The following SUPT3H variants were observed in gnomAD, a reference collection of about 807,000 sequenced individuals.
SUPT3H encodes the protein SPT3 homolog, SAGA and STAGA complex component.
A neutral mutation model predicts 44.3 loss-of-function variants in SUPT3H; 44 were observed. That is an observed-to-expected ratio of 0.99 (90% confidence interval 0.78 to 1.28). SUPT3H has a LOEUF of 1.28. SUPT3H is among the 50% of genes most tolerant of loss of function. The pLI, the probability that SUPT3H is intolerant of heterozygous loss-of-function variation, is 0.00. For missense variants in SUPT3H, 380 were observed against 387.1 expected (o/e 0.98, Z 0.15); for synonymous variants, 124 against 125.6 (o/e 0.99, Z 0.09).
chr6:45,360,380 AC>A (rs1165046036), intron 2 of SUPT3H, among the ~76,000 whole-genome samples: 1 of 152,162 alleles, frequency 6.6e-6, no homozygotes, highest in Non-Finnish European at 1.5e-5. Context: ...TTATTAAAGC[AC>A]CCTTGGAATT....
Position 45,255,579 on chromosome 6 carries a change from G to T in SUPT3H, c.101+109622C>A, listed in dbSNP as rs370737679. 5.9e-5 allele frequency among the ~76,000 whole-genome samples: 9 copies of T among 151,848 alleles called. No individual in the cohort carries two copies. In the East Asian group the frequency reaches 1.2e-3, roughly 20 times the overall value. ...TGGGACTATAGGCAGGCATCACCAT[G>T]CCCAGCAATGTTTTTTTAATTTTTG... On this transcript the variant is annotated intron_variant, in intron 2 of 10. Coordinates refer to ENST00000371459, the MANE Select transcript of SUPT3H (RefSeq NM_003599.4).
chr6:44,820,005 T>C (rs1411829270), intron 11 of SUPT3H, among the ~76,000 whole-genome samples: 1 of 151,998 alleles, frequency 6.6e-6, no homozygotes, highest in Non-Finnish European at 1.5e-5. Flanking sequence ...GGCGGATCAC[T>C]TGAGCTCAGG....
intron 2 of SUPT3H, among the ~76,000 whole-genome samples, chr6:45,276,388 A>T (rs1361397876): frequency 6.6e-6 from 1 of 152,190 alleles, no homozygotes; most frequent in Non-Finnish European, 1.5e-5. Flanking sequence ...CAAATACTAT[A>T]TAAAGAAAAA....
Position 45,261,480 on chromosome 6 carries a change from A to C in SUPT3H, c.101+103721T>G, listed in dbSNP as rs1294839275. On this transcript the variant is annotated intron_variant, in intron 2 of 10. Coordinates refer to ENST00000371459, the MANE Select transcript of SUPT3H (RefSeq NM_003599.4). ...GAATTAACAAAATCAGAAAAAAAAA[A>C]CACATGATCATCTCCATAGATGTAG... Among the ~76,000 whole-genome samples the C allele has an allele frequency of 3.4e-5, 5 of 147,560 alleles. No homozygotes were observed. In the East Asian group the frequency reaches 6.2e-4, roughly 18 times the overall value.
chr6:45,326,166 T>TACATAAAGAAGTTTACA (rs1277129253), intron 2 of SUPT3H, among the ~76,000 whole-genome samples: 1 of 151,856 alleles, frequency 6.6e-6, no homozygotes, highest in African/African-American at 2.4e-5. Context: ...AAAGAAGATT[T>TACATAAAGAAGTTTACA]TAAGGAAGAA....
intron 2 of SUPT3H, among the ~76,000 whole-genome samples, chr6:45,184,554 C>A (rs1446178564): frequency 6.6e-6 from 1 of 152,014 alleles, no homozygotes; most frequent in Non-Finnish European, 1.5e-5. Context: ...CCCCAGAGCT[C>A]CCAGGTCATT....
At chr6:44,996,743 A>ATC (rs1781329737) in intron 6 of SUPT3H, among the ~76,000 whole-genome samples, 1 of 151,904 alleles carries the variant, frequency 6.6e-6, no homozygotes, top group Non-Finnish European at 1.5e-5. Flanking sequence ...AAAAGCCTAG[A>ATC]AAGTCCTTCC....
At chr6:44,957,834 A>G (rs906403926) in intron 7 of SUPT3H, among the ~76,000 whole-genome samples, 1 of 152,196 alleles carries the variant, frequency 6.6e-6, no homozygotes, top group Non-Finnish European at 1.5e-5. Flanking sequence ...CTATTCATCA[A>G]AAGACATGCA....
rs1004262037 is a variant in SUPT3H, at chr6:45,092,771, A to T, written c.186+13151T>A. Among the ~76,000 whole-genome samples, 80 of 151,606 alleles carry T rather than the reference A, an allele frequency of 5.3e-4. 1 individual carries two copies. Among genetic ancestry groups the T allele is most frequent in the Non-Finnish European group, 8.8e-4 (60 of 67,854 alleles). The stretch of plus-strand genomic sequence containing the variant: ...GTCTCAAAAAAAAAAAAAAAAAAAA[A>T]TTAAGTCAATTTTATTCTAGTGCTT... On this transcript the variant is annotated intron_variant, in intron 3 of 10. Coordinates refer to ENST00000371459, the MANE Select transcript of SUPT3H (RefSeq NM_003599.4).
chr6:44,997,264 C>A (rs1410644408), intron 6 of SUPT3H, among the ~76,000 whole-genome samples: 2 of 151,772 alleles, frequency 1.3e-5, no homozygotes, highest in African/African-American at 2.4e-5. Context: ...GTGGAAACAA[C>A]TGAGCTATTT....
chr6:45,018,453 T>G (rs1389616719), intron 4 of SUPT3H, among the ~76,000 whole-genome samples: 9 of 151,850 alleles, frequency 5.9e-5, no homozygotes, highest in Non-Finnish European at 1.3e-4. Flanking sequence ...TTCCAGTTTT[T>G]GCCCATTCAG....
At chr6:44,944,543 G>C (rs1331031486) in intron 9 of SUPT3H, among the ~76,000 whole-genome samples, 3 of 151,626 alleles carry the variant, frequency 2.0e-5, no homozygotes, top group Admixed American at 1.3e-4. Context: ...TGGACCGCTT[G>C]AGCCCAGGAG....
intron 2 of SUPT3H, among the ~76,000 whole-genome samples, chr6:45,338,535 G>A (rs1240451852): frequency 6.6e-6 from 1 of 152,004 alleles, no homozygotes; most frequent in South Asian, 2.1e-4. Context: ...GCTGCCAGTA[G>A]GTAAAACAAC....
intron 3 of SUPT3H, among the ~76,000 whole-genome samples, chr6:45,045,736 G>GT (rs543222848): frequency 3.2e-4 from 49 of 152,150 alleles, no homozygotes; most frequent in South Asian, 6.2e-4. Flanking sequence ...GTCTATACAA[G>GT]TTTTTTTACC....
intron 2 of SUPT3H, among the ~76,000 whole-genome samples, chr6:45,362,606 T>C (rs1581911943): frequency 6.6e-6 from 1 of 152,176 alleles, no homozygotes; most frequent in African/African-American, 2.4e-5. Context: ...TATTTCCCTG[T>C]TCTATAAAGA....
intron 10 of SUPT3H, among the ~76,000 whole-genome samples, chr6:44,886,556 C>A (rs556105904): frequency 7.2e-5 from 11 of 152,198 alleles, no homozygotes; most frequent in African/African-American, 2.6e-4. Flanking sequence ...CCTTTACAGA[C>A]AAGCAAATGC....
At chr6:44,938,474 G>C (rs942667556) in intron 9 of SUPT3H, among the ~76,000 whole-genome samples, 5 of 152,074 alleles carry the variant, frequency 3.3e-5, no homozygotes, top group African/African-American at 1.2e-4. Flanking sequence ...TTGTTACTAT[G>C]GCCTCACAGT....
intron 5 of SUPT3H, among the ~76,000 whole-genome samples, chr6:45,008,928 AT>A (rs1284674471): frequency 6.6e-6 from 1 of 152,058 alleles, no homozygotes. Flanking sequence ...TTTAGTAGAG[AT>A]GGGGTTTTAC....
intron 2 of SUPT3H, among the ~76,000 whole-genome samples, chr6:45,363,098 A>G (rs923504580): frequency 2.0e-5 from 3 of 152,102 alleles, no homozygotes; most frequent in Admixed American, 2.0e-4. Flanking sequence ...TTTTTCTGTA[A>G]AAGACCATAT....
Sources: allele counts gnomAD v4.1 joint callset (sites outside exome capture counted in the v4.1 genomes callset), GRCh38; gene constraint gnomAD v4.1.1; transcripts MANE v1.5; gene names NCBI Gene and HGNC (gene_info 2026-07-23, HGNC 2026-07-21).